PCDHA2: variants seen among roughly 807,000 people sequenced by gnomAD.
PCDHA2 encodes protocadherin alpha-2.
PCDHA2 carries 58 observed loss-of-function variants against 66.0 expected under a neutral mutation model. That is an observed-to-expected ratio of 0.88 (90% CI 0.71 to 1.09). The LOEUF (loss-of-function observed/expected upper bound fraction) is 1.09, where lower values mean the gene tolerates loss of function less well. PCDHA2 is among the 50% of genes least tolerant of loss of function. PCDHA2 has a pLI of 0.00. For synonymous variants in PCDHA2, 634 were observed against 554.0 expected, an observed-to-expected ratio of 1.14 and a Z score of -2.03; for missense variants, 1,267 against 1,242.3, an observed-to-expected ratio of 1.02 and a Z score of -0.30.
chr5:140,897,561 G>A (rs1168105225), intron 1 of PCDHA2, among the ~76,000 whole-genome samples: 1 of 151,976 alleles, frequency 6.6e-6, no homozygotes, highest in Non-Finnish European at 1.5e-5. Flanking sequence ...GTGTATATGT[G>A]CCACATTTTC....
rs528377796 is a variant in PCDHA2, at chr5:140,957,777, T to G, written c.2389-21172T>G. The stretch of plus-strand genomic sequence containing the variant: ...TTCATTATATATGTTAAGTAAAAAC[T>G]AAGTTCATCATATATGTTAAGTAAA... On this transcript the variant is annotated intron_variant, in intron 1 of 3. Coordinates refer to ENST00000526136, the MANE Select transcript of PCDHA2 (RefSeq NM_018905.3). 8.5e-5 allele frequency among the ~76,000 whole-genome samples: 13 copies of G among 152,182 alleles called. No individual in the cohort carries two copies. The South Asian group carries it at 1.7e-3, about 19-fold the overall frequency.
In PCDHA2 at chr5:140,822,628, C is replaced by T. The variant is rs1170983907; in HGVS notation, c.2388+25276C>T. On this transcript the variant is annotated intron_variant, in intron 1 of 3. Transcript: ENST00000526136. The stretch of plus-strand genomic sequence containing the variant: ...AGTGTATTTCTTTAGTAATCTTGTT[C>T]TTGACGATGTAAAGTCCAAATTTAT... 3.7e-6 allele frequency: 6 copies of T among 1,610,966 alleles called. No individual in the cohort carries two copies. Among genetic ancestry groups the T allele is most frequent in the African/African-American group, 1.3e-5 (1 of 74,788 alleles).
In PCDHA2 at chr5:140,809,445, A is replaced by C. The variant is rs782301046; in HGVS notation, c.2388+12093A>C. On this transcript the variant is annotated intron_variant, in intron 1 of 3. Transcript: ENST00000526136. ...GTGGGGAGCTGGTCATACTCGCAGC[A>C]GAGGAGGCCGAGGGTGTGCTCTGGT... The C allele has an allele frequency of 1.4e-5, 22 of 1,614,116 alleles. No individual in the cohort carries two copies. The Admixed American group carries it at 3.3e-4, about 24-fold the overall frequency.
intron 1 of PCDHA2, chr5:140,801,722 T>C (rs1163429543): frequency 1.9e-6 from 3 of 1,578,032 alleles, no homozygotes; most frequent in Non-Finnish European, 2.6e-6. Context: ...TTGATTCCAC[T>C]GAATATTTTA....
At chr5:140,954,356 CCA>C (rs1251664193) in intron 1 of PCDHA2, among the ~76,000 whole-genome samples, 1 of 152,152 alleles carries the variant, frequency 6.6e-6, no homozygotes, top group Non-Finnish European at 1.5e-5. Flanking sequence ...TGAGGAATCG[CCA>C]CACAGTCTCC....
At chr5:140,811,593 T>A (rs1204851199) in intron 1 of PCDHA2, 3 of 152,262 alleles carry the variant, frequency 2.0e-5, no homozygotes, top group African/African-American at 7.2e-5. Context: ...CCACAATGGT[T>A]GAACTAGTTT....
chr5:140,928,525 G>A (rs200642808), intron 1 of PCDHA2: 1 of 1,614,182 alleles, frequency 6.2e-7, no homozygotes, highest in East Asian at 2.2e-5. Context: ...AAACTTGTTT[G>A]TGGTAGATAG....
In PCDHA2 at chr5:140,797,135, C is replaced by G; in HGVS notation, c.2171C>G (p.Ser724Trp). 1 of 1,613,992 alleles carries G rather than the reference C, an allele frequency of 6.2e-7. No individual in the cohort carries two copies. Among genetic ancestry groups the G allele is most frequent in the Non-Finnish European group, 8.5e-7 (1 of 1,179,976 alleles). Residue 724 changes from serine to tryptophan, a missense_variant, in exon 1 of 4, where the codon TCG becomes TGG. Ser to Trp is a radical substitution (Grantham distance 177). Transcript: ENST00000526136. ...TVLLYTALRC[S>W]VPPTEGARAP... ...CTGCTGTACACTGCGCTGCGGTGCT[C>G]GGTGCCACCCACCGAGGGTGCGCGC... is the stretch of plus-strand genomic sequence containing the variant.
At chr5:140,897,188 A>AT (rs1353420094) in intron 1 of PCDHA2, among the ~76,000 whole-genome samples, 5 of 152,104 alleles carry the variant, frequency 3.3e-5, no homozygotes, top group African/African-American at 7.2e-5. Flanking sequence ...CAAAAAATAT[A>AT]TTTTTTTATT....
chr5:140,858,235 A>C, intron 1 of PCDHA2: 2 of 1,596,218 alleles, frequency 1.3e-6, no homozygotes, highest in Non-Finnish European at 1.7e-6. Flanking sequence ...CCGAGGGCGC[A>C]TGTGGGCCGG....
intron 1 of PCDHA2, chr5:140,862,120 A>G (rs898970647): frequency 2.5e-5 from 4 of 161,592 alleles, no homozygotes; most frequent in African/African-American, 7.2e-5. Flanking sequence ...GGATAAATAA[A>G]TGTAAAGATA....
intron 1 of PCDHA2, among the ~76,000 whole-genome samples, chr5:140,960,004 A>C (rs2095521827): frequency 6.6e-6 from 1 of 152,216 alleles, no homozygotes; most frequent in Non-Finnish European, 1.5e-5. Context: ...ATACAAATCT[A>C]TTTTGCATCA....
intron 1 of PCDHA2, chr5:140,822,569 C>A: frequency 1.9e-6 from 3 of 1,612,930 alleles, no homozygotes; most frequent in Non-Finnish European, 2.5e-6. Context: ...AAACTGAACG[C>A]CTCAGATGCA....
In PCDHA2 at chr5:140,967,673, C is replaced by T. The variant is rs1563368144; in HGVS notation, c.2389-11276C>T. On this transcript the variant is annotated intron_variant, in intron 1 of 3. Transcript: ENST00000526136. ...CTCCTTGAGCAGCTACACGTCGGAC[C>T]GGGAGAGGCAGCTCTTCAGCATAGA... The T allele has an allele frequency of 2.5e-6, 4 of 1,614,130 alleles. No homozygotes were observed. In the East Asian group the frequency reaches 6.7e-5, roughly 27 times the overall value.
chr5:140,882,935 ACTGGCACAGTTCAG>A (rs2153388631), intron 1 of PCDHA2: 1 of 1,614,238 alleles, frequency 6.2e-7, no homozygotes, highest in East Asian at 2.2e-5. Flanking sequence ...ACCCGAGCTG[ACTGGCACAGTTCAG>A]CTGCTCATCA....
intron 2 of PCDHA2, among the ~76,000 whole-genome samples, chr5:140,980,258 G>A (rs2096882497): frequency 6.6e-6 from 1 of 152,164 alleles, no homozygotes; most frequent in Non-Finnish European, 1.5e-5. Context: ...GTAAAAGCAT[G>A]GTTTACAGTA....
At chr5:140,870,070 G>A in intron 1 of PCDHA2, 2 of 1,613,880 alleles carry the variant, frequency 1.2e-6, no homozygotes, top group Non-Finnish European at 1.7e-6. Context: ...ACAGGCTACA[G>A]ATAAGGGGAC....
At chr5:140,876,238 CA>C in intron 1 of PCDHA2, 4 of 1,613,896 alleles carry the variant, frequency 2.5e-6, no homozygotes, top group Non-Finnish European at 3.4e-6. Context: ...TGAAAATGTC[CA>C]AAACGACACA....
chr5:140,805,003 GT>G, intron 1 of PCDHA2: 10 of 1,537,014 alleles, frequency 6.5e-6, no homozygotes, highest in Non-Finnish European at 8.7e-6. Flanking sequence ...TAAAAATTTA[GT>G]TCTGTTATCA....
Sources: allele counts gnomAD v4.1 joint callset (sites outside exome capture counted in the v4.1 genomes callset), GRCh38; gene constraint gnomAD v4.1.1; transcripts MANE v1.5; gene names NCBI Gene and HGNC (gene_info 2026-07-23, HGNC 2026-07-21).